The following DAB1 variants were observed in gnomAD, a reference collection of about 807,000 sequenced individuals.
DAB1 encodes the protein disabled homolog 1.
DAB1 carries 15 observed loss-of-function variants against 64.6 expected under a neutral mutation model. The observed-to-expected ratio is 0.23, with a 90% CI of 0.16 to 0.36. The LOEUF (loss-of-function observed/expected upper bound fraction) is 0.36, where lower values mean the gene tolerates loss of function less well. Among genes scored for constraint, DAB1 ranks in the 10% least tolerant of loss-of-function variants. The pLI is 1.00. For missense variants in DAB1, 596 were observed against 706.7 expected, an observed-to-expected ratio of 0.84 and a Z score of 1.78; for synonymous variants, 235 against 251.9, an observed-to-expected ratio of 0.93 and a Z score of 0.64.
intron 2 of DAB1, among the ~76,000 whole-genome samples, chr1:58,506,999 C>T (rs2100418609): frequency 6.6e-6 from 1 of 152,086 alleles, no homozygotes; most frequent in South Asian, 2.1e-4. Flanking sequence ...ATGCACAGAA[C>T]ATATCTGAGA....
chr1:58,351,475 G>C (rs551484147), intron 3 of DAB1, among the ~76,000 whole-genome samples: 1 of 152,138 alleles, frequency 6.6e-6, no homozygotes, highest in Non-Finnish European at 1.5e-5. Context: ...ATGATCAGTG[G>C]GAGTGAAGGA....
intron 6 of DAB1, among the ~76,000 whole-genome samples, chr1:57,688,881 A>G (rs991733400): frequency 6.6e-6 from 1 of 152,128 alleles, no homozygotes; most frequent in Non-Finnish European, 1.5e-5. Context: ...TAGTGGACAT[A>G]AAGATGGGAA....
chr1:57,061,237 G>C (rs1017232862), intron 9 of DAB1, among the ~76,000 whole-genome samples: 4 of 150,820 alleles, frequency 2.7e-5, no homozygotes, highest in South Asian at 2.1e-4. Flanking sequence ...ATGGGGGGGG[G>C]GGGTGGTTTC....
chr1:58,502,959 C>G (rs549023633), intron 3 of DAB1, among the ~76,000 whole-genome samples: 110 of 152,252 alleles, frequency 7.2e-4, no homozygotes, highest in African/African-American at 2.4e-3. Flanking sequence ...TCATCATTTG[C>G]TCCCAAATAA....
At chr1:58,208,893 G>A (rs1370391724) in intron 4 of DAB1, among the ~76,000 whole-genome samples, 1 of 152,080 alleles carries the variant, frequency 6.6e-6, no homozygotes, top group African/African-American at 2.4e-5. Context: ...TAAACATTAA[G>A]CTGAACTTCC....
chr1:58,189,816 T>G (rs1657288260), intron 4 of DAB1, among the ~76,000 whole-genome samples: 1 of 152,186 alleles, frequency 6.6e-6, no homozygotes. Flanking sequence ...GATCAGTTCT[T>G]CTCCCTTCCT....
intron 1 of DAB1, among the ~76,000 whole-genome samples, chr1:57,337,724 TGAATGAA>T (rs1473098943): frequency 6.6e-6 from 1 of 152,010 alleles, no homozygotes; most frequent in African/African-American, 2.4e-5. Flanking sequence ...TGCCAGTGAG[TGAATGAA>T]GAAAGGATGA....
At chr1:57,302,701 T>C (rs561210970) in intron 1 of DAB1, among the ~76,000 whole-genome samples, 1 of 152,280 alleles carries the variant, frequency 6.6e-6, no homozygotes, top group East Asian at 1.9e-4. Context: ...ACTCCTGGGT[T>C]CGAGGGATCC....
At chr1:57,313,542 T>C (rs1211668886) in intron 1 of DAB1, among the ~76,000 whole-genome samples, 1 of 152,128 alleles carries the variant, frequency 6.6e-6, no homozygotes, top group Non-Finnish European at 1.5e-5. Context: ...AGGGGTAAGT[T>C]GGCCCCGGTC....
chr1:57,820,646 C>T (rs375488177), intron 6 of DAB1, among the ~76,000 whole-genome samples: 2 of 152,172 alleles, frequency 1.3e-5, no homozygotes, highest in Non-Finnish European at 2.9e-5. Flanking sequence ...GGATGGCTAA[C>T]ATTTTTGTTG....
At chr1:57,808,368 G>A (rs1195358387) in intron 6 of DAB1, among the ~76,000 whole-genome samples, 1 of 152,110 alleles carries the variant, frequency 6.6e-6, no homozygotes, top group Admixed American at 6.6e-5. Flanking sequence ...AGAGCACTCG[G>A]TACCCTGTAT....
intron 5 of DAB1, among the ~76,000 whole-genome samples, chr1:58,053,916 C>T (rs574862120): frequency 8.9e-4 from 135 of 152,356 alleles, no homozygotes; most frequent in South Asian, 5.2e-3. Context: ...GATCTCACTT[C>T]CTGTCTTCTC....
intron 2 of DAB1, among the ~76,000 whole-genome samples, chr1:57,220,853 T>A (rs1349832435): frequency 6.6e-6 from 1 of 152,144 alleles, no homozygotes; most frequent in Non-Finnish European, 1.5e-5. Context: ...TCCTCAAGGA[T>A]CTAGAACTAG....
At position 58,118,503 on chromosome 1, in the gene DAB1, T is replaced by TATATATATACACAC. The variant is rs1341446315; in HGVS notation, n.387+32007_387+32008insGTGTGTATATATAT. On this transcript the variant is annotated intron_variant and non_coding_transcript_variant, in intron 5 of 20. Coordinates refer to the DAB1 transcript ENST00000485760. ...ATATATATATATATATATATATATATACACACACACACACACACATATATA... is the reference window on the plus strand; with the variant it reads ...ATATATATATATATATATATATATATATATATATACACACACACACACACACACACACATATATA... Among the ~76,000 whole-genome samples, 229 of 53,036 alleles carry TATATATATACACAC rather than the reference T, an allele frequency of 4.3e-3. 3 individuals are homozygous for TATATATATACACAC. The highest frequency in any genetic ancestry group is 0.015 in the East Asian group (12 of 776). The allele number at this position is 53,036 out of a possible 152,430, so 34.8% of individuals were successfully genotyped here.
chr1:57,853,656 A>G (rs964102387), intron 1 of DAB1, among the ~76,000 whole-genome samples: 1 of 152,238 alleles, frequency 6.6e-6, no homozygotes, highest in African/African-American at 2.4e-5. Context: ...TCAATATGAA[A>G]CATTTCTTAA....
intron 5 of DAB1, among the ~76,000 whole-genome samples, chr1:58,059,537 T>C (rs1023022045): frequency 2.0e-5 from 3 of 152,242 alleles, no homozygotes; most frequent in African/African-American, 7.2e-5. Context: ...TTATCTCTTT[T>C]TATTTATGCA....
At chr1:58,427,717 C>T (rs944859165) in intron 3 of DAB1, among the ~76,000 whole-genome samples, 2 of 152,050 alleles carry the variant, frequency 1.3e-5, no homozygotes, top group African/African-American at 4.8e-5. Context: ...ATTTGGGGAT[C>T]CAGTGTTTGA....
chr1:57,427,728 C>T (rs1316288558), upstream of DAB1, among the ~76,000 whole-genome samples: 4 of 152,042 alleles, frequency 2.6e-5, no homozygotes, highest in African/African-American at 7.2e-5. Flanking sequence ...CAAATAATGC[C>T]TCAATATTGT....
In DAB1 at chr1:57,161,206, G is replaced by A. The variant is rs566466226; in HGVS notation, c.68-15777C>T. Among the ~76,000 whole-genome samples the A allele has an allele frequency of 1.2e-4, 19 of 152,284 alleles. No individual in the cohort carries two copies. The South Asian group carries it at 2.1e-3, about 17-fold the overall frequency. On this transcript the variant is annotated intron_variant, in intron 2 of 14. Transcript: ENST00000371236. The stretch of plus-strand genomic sequence containing the variant: ...TATGGAGAGACAAGCCAGAAAGTTC[G>A]TGCAATAATCCAAGAATGACAGGCG...
Sources: allele counts gnomAD v4.1 joint callset (sites outside exome capture counted in the v4.1 genomes callset), GRCh38; gene constraint gnomAD v4.1.1; transcripts MANE v1.5; gene names NCBI Gene and HGNC (gene_info 2026-07-23, HGNC 2026-07-21).